OR52N4: variants seen among roughly 807,000 people sequenced by gnomAD.
OR52N4 encodes olfactory receptor family 52 subfamily N member 4.
A neutral mutation model predicts 15.0 loss-of-function variants in OR52N4; 15 were observed. The ratio of observed to expected loss-of-function variants is 1.00; its 90% CI spans 0.67 to 1.54. The LOEUF is 1.54. Ranked by LOEUF, OR52N4 falls within the 40% of genes most tolerant of loss-of-function variation. The pLI, the probability that OR52N4 is intolerant of heterozygous loss-of-function variation, is 0.00. For synonymous variants in OR52N4, 143 were observed against 143.7 expected (o/e 1.00, Z 0.03); for missense variants, 421 against 394.0 (o/e 1.07, Z -0.58).
At chr11:5,749,475 A>G (rs1215695314), upstream of OR52N4, among the ~76,000 whole-genome samples, 1 of 152,000 alleles carries the variant, frequency 6.6e-6, no homozygotes, top group Admixed American at 6.6e-5. Context: ...TTCTCTGTTT[A>G]AATGGGAATC....
At chr11:5,729,945 G>A in the OR52N4 span, among the ~76,000 whole-genome samples, 2 of 152,036 alleles carry the variant, frequency 1.3e-5, no homozygotes, top group Non-Finnish European at 2.9e-5. Flanking sequence ...TGGGATCCCA[G>A]ACTATCAGTT....
At chr11:5,747,699 ACGTGT>A in the OR52N4 span, among the ~76,000 whole-genome samples, 1 of 152,182 alleles carries the variant, frequency 6.6e-6, no homozygotes, top group East Asian at 1.9e-4. Context: ...CTTCTCAATC[ACGTGT>A]AAAACATTAA....
the OR52N4 span, among the ~76,000 whole-genome samples, chr11:5,740,678 G>A: frequency 3.2e-5 from 4 of 125,698 alleles, 1 homozygote; most frequent in African/African-American, 1.1e-4. Flanking sequence ...GTGGTGGCGC[G>A]TGCCTATAGT....
At chr11:5,749,022 A>AAAT in the OR52N4 span, among the ~76,000 whole-genome samples, 1 of 151,990 alleles carries the variant, frequency 6.6e-6, no homozygotes, top group Non-Finnish European at 1.5e-5. Flanking sequence ...TGAGATTCTT[A>AAAT]AATATCCCCT....
the OR52N4 span, among the ~76,000 whole-genome samples, chr11:5,738,876 A>G: frequency 3.1e-5 from 2 of 64,648 alleles, 1 homozygote; most frequent in Non-Finnish European, 7.3e-5. Flanking sequence ...ACATGCTCAG[A>G]TTAATGCCAT....
the OR52N4 span, chr11:5,736,290 T>C: frequency 1.1e-5 from 6 of 528,464 alleles, no homozygotes; most frequent in Non-Finnish European, 2.0e-5. Flanking sequence ...TCATCTCCCA[T>C]AATTCTTCAT....
At chr11:5,740,749 G>C in the OR52N4 span, among the ~76,000 whole-genome samples, 2 of 127,128 alleles carry the variant, frequency 1.6e-5, 1 homozygote, top group Non-Finnish European at 3.5e-5. Context: ...GGAGCTTGCA[G>C]TGAGCCAAGA....
the OR52N4 span, among the ~76,000 whole-genome samples, chr11:5,744,516 G>A: frequency 1.5e-3 from 235 of 152,334 alleles, 3 homozygotes; most frequent in South Asian, 8.5e-3. Flanking sequence ...ACAATCAAGT[G>A]GGTCATATTC....
the OR52N4 span, among the ~76,000 whole-genome samples, chr11:5,742,448 G>A: frequency 1.3e-5 from 2 of 152,192 alleles, no homozygotes; most frequent in South Asian, 4.1e-4. Context: ...CAATATGAAG[G>A]AAAAGATCCT....
the OR52N4 span, chr11:5,736,704 C>G: frequency 5.6e-6 from 9 of 1,613,926 alleles, no homozygotes; most frequent in South Asian, 6.6e-5. Context: ...CAGAACCCTT[C>G]TTTACAGCAG....
chr11:5,737,023 T>C, the OR52N4 span: 11 of 1,614,058 alleles, frequency 6.8e-6, no homozygotes, highest in Admixed American at 1.0e-4. Flanking sequence ...CTCCAGTGCC[T>C]GTGCTTGCAG....
chr11:5,737,735 G>T, the OR52N4 span: 264 of 377,596 alleles, frequency 7.0e-4, 1 homozygote, highest in Middle Eastern at 5.2e-3. Flanking sequence ...TGGATTTAAA[G>T]AACTTAATGA....
upstream of OR52N4, among the ~76,000 whole-genome samples, chr11:5,749,604 C>G (rs1262818130): frequency 6.6e-6 from 1 of 151,812 alleles, no homozygotes; most frequent in Non-Finnish European, 1.5e-5. Context: ...CTTTACTTCC[C>G]CCAAACCATA....
the OR52N4 span, among the ~76,000 whole-genome samples, chr11:5,732,169 G>A: frequency 6.6e-6 from 1 of 151,956 alleles, no homozygotes; most frequent in Non-Finnish European, 1.5e-5. Context: ...ATACACTTTG[G>A]TCAACATCTC....
chr11:5,755,430 C>G lies in OR52N4; in HGVS notation c.690C>G (p.Leu230=). 6.2e-7 allele frequency: 1 copy of G among 1,614,062 alleles called. No homozygotes were observed. Among genetic ancestry groups the G allele is most frequent in the Non-Finnish European group, 8.5e-7 (1 of 1,179,962 alleles). The change falls in exon 2 of 2, where the codon CTC becomes CTG. Residue 230 remains leucine (L), a synonymous_variant. Transcript: ENST00000641350. ...YTMILRAVVS[L]SSADARQKAF... ...TGATTCTCCGGGCAGTGGTCAGCCT[C>G]TCCTCAGCAGATGCTCGGCAGAAGG...
chr11:5,742,934 A>T, the OR52N4 span, among the ~76,000 whole-genome samples: 1 of 152,172 alleles, frequency 6.6e-6, no homozygotes, highest in African/African-American at 2.4e-5. Flanking sequence ...GCTCCACTTA[A>T]AACATATAAA....
chr11:5,747,057 C>T, the OR52N4 span, among the ~76,000 whole-genome samples: 2 of 95,410 alleles, frequency 2.1e-5, no homozygotes, highest in East Asian at 3.5e-4. Context: ...CATGGTGAAA[C>T]CTGTCTGTAG....
At chr11:5,736,528 G>C in the OR52N4 span, 1 of 1,613,576 alleles carries the variant, frequency 6.2e-7, no homozygotes, top group South Asian at 1.1e-5. Context: ...TGAATCATAT[G>C]TCTGCATCTC....
chr11:5,754,212 T>G (rs1262141152), upstream of OR52N4: 1 of 152,176 alleles, frequency 6.6e-6, no homozygotes, highest in African/African-American at 2.4e-5. Flanking sequence ...CAAAATTCTT[T>G]GAACAGTGCC....
Sources: allele counts gnomAD v4.1 joint callset (sites outside exome capture counted in the v4.1 genomes callset), GRCh38; gene constraint gnomAD v4.1.1; transcripts MANE v1.5; gene names NCBI Gene and HGNC (gene_info 2026-07-23, HGNC 2026-07-21).